DAB2IP: variants seen among roughly 807,000 people sequenced by gnomAD.
DAB2IP encodes disabled homolog 2-interacting protein.
DAB2IP carries 28 observed loss-of-function variants against 107.2 expected under a neutral mutation model. The ratio of observed to expected loss-of-function variants is 0.26; its 90% CI spans 0.19 to 0.36. The LOEUF is 0.36. Among genes scored for constraint, DAB2IP ranks in the 10% least tolerant of loss-of-function variants. The pLI is 1.00. For synonymous variants in DAB2IP, 755 were observed against 706.4 expected (o/e 1.07, Z -1.09); for missense variants, 1,400 against 1,644.7 (o/e 0.85, Z 2.57).
intron 1 of DAB2IP, among the ~76,000 whole-genome samples, chr9:121,576,429 C>T (rs1589370861): frequency 6.6e-6 from 1 of 151,468 alleles, no homozygotes; most frequent in East Asian, 1.9e-4. Flanking sequence ...TTCCCTACTA[C>T]CCCTCCAGCC....
chr9:121,632,292 C>T (rs1216515517), intron 1 of DAB2IP, among the ~76,000 whole-genome samples: 1 of 152,242 alleles, frequency 6.6e-6, no homozygotes, highest in Non-Finnish European at 1.5e-5. Context: ...AAGCTCAGCA[C>T]AGTTCCTGGC....
In DAB2IP at chr9:121,760,499, C is replaced by A; in HGVS notation, c.1170+60C>A. ...GGGCGGCAGCACTGGGTTACCTGCC[C>A]TTCCTCACATCCGTACATTTCAGGC... On this transcript the variant is annotated intron_variant, in intron 6 of 15. Transcript: ENST00000408936. The surrounding 1 kb of genome is among the most constrained non-coding windows in gnomAD (Gnocchi z 5.9). 2 of 1,492,506 alleles carry A rather than the reference C, an allele frequency of 1.3e-6. No homozygotes were observed. Among genetic ancestry groups the A allele is most frequent in the Non-Finnish European group, 8.9e-7 (1 of 1,124,292 alleles). 92.5% of individuals were successfully genotyped at this position (1,492,506 alleles called of 1,614,324 possible).
chr9:121,621,984 C>CTTTTTTTTTTTTTTTTTTT (rs1202929145), intron 1 of DAB2IP, among the ~76,000 whole-genome samples: 2 of 99,716 alleles, frequency 2.0e-5, no homozygotes, highest in Non-Finnish European at 3.9e-5. Flanking sequence ...TTTTTTCTTT[C>CTTTTTTTTTTTTTTTTTTT]TTTTTTTTTT....
intron 1 of DAB2IP, among the ~76,000 whole-genome samples, chr9:121,625,524 A>G (rs1255460312): frequency 6.6e-6 from 1 of 151,948 alleles, no homozygotes; most frequent in Non-Finnish European, 1.5e-5. Flanking sequence ...GGCCTCCCAG[A>G]GTGCTGGGAT....
At chr9:121,748,248 G>C (rs908349480) in intron 3 of DAB2IP, among the ~76,000 whole-genome samples, 2 of 152,214 alleles carry the variant, frequency 1.3e-5, no homozygotes, top group Non-Finnish European at 2.9e-5. Flanking sequence ...ATAGACCTTA[G>C]ATACAGCTGG....
chr9:121,692,282 CGT>C (rs1829201973), intron 2 of DAB2IP, among the ~76,000 whole-genome samples: 1 of 151,890 alleles, frequency 6.6e-6, no homozygotes, highest in South Asian at 2.1e-4. Context: ...TGTGTGTATT[CGT>C]GTGTGTGCTG....
At chr9:121,577,707 C>T (rs1464111113) in intron 1 of DAB2IP, among the ~76,000 whole-genome samples, 1 of 152,204 alleles carries the variant, frequency 6.6e-6, no homozygotes, top group Admixed American at 6.5e-5. Flanking sequence ...GACAAATGGC[C>T]TCACACTGCT....
chr9:121,688,206 T>C (rs745352431), intron 2 of DAB2IP, among the ~76,000 whole-genome samples: 2 of 152,134 alleles, frequency 1.3e-5, no homozygotes, highest in Non-Finnish European at 2.9e-5. Context: ...AATGAAACGA[T>C]CAAGTGGTAT....
At chr9:121,754,134 T>A (rs113661320) in intron 3 of DAB2IP, among the ~76,000 whole-genome samples, 37 of 152,146 alleles carry the variant, frequency 2.4e-4, no homozygotes, top group African/African-American at 8.9e-4. Context: ...CCTGCTGGGT[T>A]CAGGAAGTGA....
chr9:121,587,273 G>A (rs1302170824), intron 1 of DAB2IP, among the ~76,000 whole-genome samples: 2 of 152,102 alleles, frequency 1.3e-5, no homozygotes, highest in African/African-American at 4.8e-5. Flanking sequence ...AACAGCTTGA[G>A]GAAAAAACCC....
chr9:121,645,943 C>T (rs1050937058), intron 1 of DAB2IP, among the ~76,000 whole-genome samples: 3 of 152,172 alleles, frequency 2.0e-5, no homozygotes, highest in African/African-American at 7.2e-5. Flanking sequence ...GTCTCATCTC[C>T]ATTTAACACG....
At chr9:121,637,517 C>A (rs1254031185) in intron 1 of DAB2IP, among the ~76,000 whole-genome samples, 1 of 152,166 alleles carries the variant, frequency 6.6e-6, no homozygotes, top group Non-Finnish European at 1.5e-5. Context: ...GTAAAACTGG[C>A]CACTAGAGCT....
chr9:121,764,673 G>A (rs1834138665), intron 8 of DAB2IP, among the ~76,000 whole-genome samples: 1 of 152,086 alleles, frequency 6.6e-6, no homozygotes, highest in South Asian at 2.1e-4. Context: ...TCCAGCTCAG[G>A]GCTTACAGCC....
At chr9:121,720,506 C>T (rs981300088) in intron 3 of DAB2IP, among the ~76,000 whole-genome samples, 7 of 152,142 alleles carry the variant, frequency 4.6e-5, no homozygotes, top group African/African-American at 1.7e-4. Context: ...CCCTGTTTTC[C>T]AAACAAGGAA....
chr9:121,735,495 A>G (rs556552933), intron 3 of DAB2IP, among the ~76,000 whole-genome samples: 18 of 152,358 alleles, frequency 1.2e-4, no homozygotes, highest in African/African-American at 4.3e-4. Flanking sequence ...GCAGGCTGCA[A>G]CTGCCAAGGA....
At chr9:121,777,645 C>T (rs1835299447) in intron 14 of DAB2IP, among the ~76,000 whole-genome samples, 1 of 152,224 alleles carries the variant, frequency 6.6e-6, no homozygotes, top group African/African-American at 2.4e-5. Flanking sequence ...TCAAGTATTC[C>T]ATATCCTTAC....
chr9:121,679,831 G>A (rs956332493), intron 2 of DAB2IP, among the ~76,000 whole-genome samples: 6 of 151,182 alleles, frequency 4.0e-5, no homozygotes, highest in African/African-American at 1.5e-4. Flanking sequence ...TGAAGGGTCC[G>A]TAGAAAATGG....
rs1829748847 is a variant in DAB2IP, at chr9:121,701,022, C to G, written c.362+1564C>G. Among the ~76,000 whole-genome samples, 1 of 152,272 alleles carries G rather than the reference C, an allele frequency of 6.6e-6. No individual in the cohort carries two copies. The highest frequency in any genetic ancestry group is 2.4e-5 in the African/African-American group (1 of 41,472). On this transcript the variant is annotated intron_variant, in intron 3 of 15. Transcript: ENST00000408936. The surrounding 1 kb of genome is among the most constrained non-coding windows in gnomAD (Gnocchi z 4.7). The stretch of plus-strand genomic sequence containing the variant: ...CTGCCTTCCTCCCTCCACCGGGCCC[C>G]TGCCTTCGGCTGTCTTCCCCAGGAA...
intron 1 of DAB2IP, among the ~76,000 whole-genome samples, chr9:121,601,880 A>T (rs1197511166): frequency 1.7e-5 from 2 of 117,720 alleles, no homozygotes; most frequent in Non-Finnish European, 3.7e-5. Flanking sequence ...GCTTGCATAC[A>T]TGCCTTTGTG....
Sources: allele counts gnomAD v4.1 joint callset (sites outside exome capture counted in the v4.1 genomes callset), GRCh38; gene constraint gnomAD v4.1.1; non-coding constraint Gnocchi (gnomAD v3.1); transcripts MANE v1.5; gene names NCBI Gene and HGNC (gene_info 2026-07-23, HGNC 2026-07-21).